The following GLI3 variants were observed in gnomAD, a reference collection of about 807,000 sequenced individuals.
GLI3 encodes the protein transcription activator GLI3.
In GLI3, 20 loss-of-function variants were observed where a neutral mutation model predicts 100.8. That is an observed-to-expected ratio of 0.20 (90% CI 0.14 to 0.29). The LOEUF is 0.29. Ranked by LOEUF, GLI3 falls within the 10% of genes least tolerant of loss-of-function variation. The pLI, the probability that GLI3 is intolerant of heterozygous loss-of-function variation, is 1.00. For missense variants in GLI3, 2,040 were observed against 2,128.5 expected, an observed-to-expected ratio of 0.96 and a Z score of 0.82; for synonymous variants, 938 against 860.5, an observed-to-expected ratio of 1.09 and a Z score of -1.58.
intron 10 of GLI3, among the ~76,000 whole-genome samples, chr7:41,979,136 G>A (rs1181679065): frequency 1.3e-5 from 2 of 152,214 alleles, no homozygotes; most frequent in Non-Finnish European, 1.5e-5. Context: ...TGGCGATTGA[G>A]GCTAAACAAC....
At chr7:42,202,426 T>TA (rs1788063497) in intron 2 of GLI3, among the ~76,000 whole-genome samples, 1 of 150,686 alleles carries the variant, frequency 6.6e-6, no homozygotes, top group Non-Finnish European at 1.5e-5. Flanking sequence ...ACAGACTCAC[T>TA]AAACATGCTT....
At chr7:42,222,283 A>C (rs1202348638) in intron 2 of GLI3, among the ~76,000 whole-genome samples, 1 of 152,242 alleles carries the variant, frequency 6.6e-6, no homozygotes, top group Non-Finnish European at 1.5e-5. Flanking sequence ...CCAGATAGGC[A>C]GTGTCCAGGA....
chr7:42,049,992 T>A (rs1488204498), intron 4 of GLI3, among the ~76,000 whole-genome samples: 2 of 152,120 alleles, frequency 1.3e-5, no homozygotes, highest in African/African-American at 2.4e-5. Context: ...CCGGCCCCCA[T>A]CACCCTGTCA....
intron 10 of GLI3, among the ~76,000 whole-genome samples, chr7:41,992,361 G>A (rs766697246): frequency 4.1e-4 from 62 of 152,132 alleles, no homozygotes; most frequent in Non-Finnish European, 7.2e-4. Flanking sequence ...ATTTGGTGAC[G>A]ATTACCCTTC....
At chr7:42,224,993 C>A (rs1188000330) in intron 1 of GLI3, among the ~76,000 whole-genome samples, 1 of 152,202 alleles carries the variant, frequency 6.6e-6, no homozygotes, top group Non-Finnish European at 1.5e-5. Context: ...CATTTAATTT[C>A]CAAGGGATCA....
chr7:42,031,020 T>A (rs1789279458), intron 7 of GLI3, among the ~76,000 whole-genome samples: 1 of 133,352 alleles, frequency 7.5e-6, no homozygotes, highest in African/African-American at 3.0e-5. Flanking sequence ...CACCCAGGCA[T>A]AGTTGAAATT....
At chr7:42,251,256 GA>G (rs1293832526) in intron 1 of GLI3, among the ~76,000 whole-genome samples, 1 of 152,156 alleles carries the variant, frequency 6.6e-6, no homozygotes, top group Non-Finnish European at 1.5e-5. Flanking sequence ...GTATGGGAGG[GA>G]TGGTTTTGGG....
intron 1 of GLI3, among the ~76,000 whole-genome samples, chr7:42,234,078 T>C (rs1224051890): frequency 6.6e-6 from 1 of 152,198 alleles, no homozygotes; most frequent in Non-Finnish European, 1.5e-5. Flanking sequence ...AGAAGAAAAG[T>C]CTGACTTTTA....
chr7:42,029,476 T>G (rs959933562), intron 7 of GLI3, among the ~76,000 whole-genome samples: 9 of 152,112 alleles, frequency 5.9e-5, no homozygotes, highest in Non-Finnish European at 7.3e-5. Flanking sequence ...CCCTCAACTC[T>G]CTTGGGCAAG....
At chr7:41,981,246 G>C (rs1424498708) in intron 10 of GLI3, among the ~76,000 whole-genome samples, 2 of 152,352 alleles carry the variant, frequency 1.3e-5, no homozygotes, top group East Asian at 3.9e-4. Context: ...GAGAAGGCAT[G>C]AGTTTTCTGT....
At position 41,999,570 on chromosome 7, in the gene GLI3, G is replaced by A. The variant is rs79677804; in HGVS notation, c.1498-20822C>T. Among the ~76,000 whole-genome samples the A allele has an allele frequency of 3.8e-4, 58 of 151,950 alleles. No homozygotes were observed. The East Asian group carries it at 0.011, about 28-fold the overall frequency. On this transcript the variant is annotated intron_variant, in intron 10 of 14. Transcript: ENST00000395925. ...ACCTTTCAGACACCACATCTCCAAC[G>A]CCCTGCATCAGGGGCCCTGAAGCTC... is the stretch of plus-strand genomic sequence containing the variant.
rs561424581 is a variant in GLI3, at chr7:41,978,294, G to T, written c.1647+305C>A. On this transcript the variant is annotated intron_variant, in intron 11 of 14. Transcript: ENST00000395925. The stretch of plus-strand genomic sequence containing the variant: ...TTAAAAGTCAACTTCAACTCTGTAA[G>T]TTGGAAGCTGGCACTTCCCTTTGCC... Among the ~76,000 whole-genome samples, 3 of 152,324 alleles carry T rather than the reference G, an allele frequency of 2.0e-5. No individual in the cohort carries two copies. In the South Asian group the frequency reaches 6.2e-4, roughly 32 times the overall value.
chr7:42,172,804 G>T (rs1787403197), intron 2 of GLI3: 1 of 582,326 alleles, frequency 1.7e-6, no homozygotes. Context: ...AGCCATTTAT[G>T]ACTCTCAAAG....
chr7:42,086,736 C>G (rs1785109544), intron 3 of GLI3, among the ~76,000 whole-genome samples: 1 of 152,072 alleles, frequency 6.6e-6, no homozygotes, highest in Admixed American at 6.5e-5. Context: ...ATCGAGTGCT[C>G]CTTCCTCCCT....
intron 2 of GLI3, among the ~76,000 whole-genome samples, chr7:42,194,374 G>C (rs1787884642): frequency 6.6e-6 from 1 of 152,202 alleles, no homozygotes; most frequent in Admixed American, 6.5e-5. Flanking sequence ...CCAGGAGGCA[G>C]CACTTTTTGC....
intron 3 of GLI3, among the ~76,000 whole-genome samples, chr7:42,123,122 G>A (rs951919103): frequency 3.3e-5 from 5 of 152,168 alleles, no homozygotes; most frequent in Admixed American, 2.6e-4. Flanking sequence ...TGAAGTATGT[G>A]TTACTCATCC....
chr7:42,137,865 G>T (rs1056533409), intron 3 of GLI3, among the ~76,000 whole-genome samples: 2 of 152,164 alleles, frequency 1.3e-5, no homozygotes, highest in African/African-American at 2.4e-5. Context: ...TGTGGAAAAG[G>T]TATATATAAA....
At chr7:42,164,158 C>A (rs1006117284) in intron 2 of GLI3, among the ~76,000 whole-genome samples, 2 of 152,176 alleles carry the variant, frequency 1.3e-5, no homozygotes, top group African/African-American at 4.8e-5. Context: ...CATACCCCTG[C>A]AATATACGGA....
chr7:42,087,732 T>C (rs1785132725), intron 3 of GLI3, among the ~76,000 whole-genome samples: 1 of 148,300 alleles, frequency 6.7e-6, no homozygotes, highest in Non-Finnish European at 1.5e-5. Context: ...TTTTTTTTCA[T>C]CAATAACATC....
Sources: gnomAD v4.1 joint callset for allele counts (sites outside exome capture counted in the v4.1 genomes callset) on GRCh38, gnomAD v4.1.1 for gene constraint, MANE v1.5 for transcripts, NCBI Gene and HGNC (gene_info 2026-07-23, HGNC 2026-07-21) for gene names.